PCDHGB4: variants seen among roughly 807,000 people sequenced by gnomAD.
PCDHGB4 encodes protocadherin gamma-B4.
A neutral mutation model predicts 60.5 loss-of-function variants in PCDHGB4; 38 were observed. The observed-to-expected ratio is 0.63, with a 90% CI of 0.48 to 0.82. PCDHGB4 has a LOEUF of 0.82. Ranked by LOEUF, PCDHGB4 falls within the 40% of genes least tolerant of loss-of-function variation. The pLI, the probability that PCDHGB4 is intolerant of heterozygous loss-of-function variation, is 0.00. For missense variants in PCDHGB4, 1,109 were observed against 1,209.6 expected, an observed-to-expected ratio of 0.92 and a Z score of 1.23; for synonymous variants, 456 against 509.7, an observed-to-expected ratio of 0.89 and a Z score of 1.42.
intron 1 of PCDHGB4, chr5:141,408,115 C>A (rs2095044760): frequency 9.6e-6 from 14 of 1,461,430 alleles, no homozygotes; most frequent in South Asian, 2.9e-5. Flanking sequence ...GGGACTCCTC[C>A]TGTCCTGGGC....
chr5:141,394,514 C>T, intron 1 of PCDHGB4: 1 of 1,614,230 alleles, frequency 6.2e-7, no homozygotes. Flanking sequence ...ACCCCGCCCT[C>T]CCCACAGACG....
chr5:141,444,965 A>C (rs561160996), intron 1 of PCDHGB4, among the ~76,000 whole-genome samples: 18 of 152,234 alleles, frequency 1.2e-4, no homozygotes, highest in South Asian at 6.2e-4. Context: ...CAATATTGAC[A>C]CTTCAAATCC....
At chr5:141,495,255 G>A (rs1055329757) in intron 2 of PCDHGB4, among the ~76,000 whole-genome samples, 5 of 152,212 alleles carry the variant, frequency 3.3e-5, no homozygotes, top group African/African-American at 1.2e-4. Flanking sequence ...GGCTCAGGCA[G>A]AAAAGCATTT....
chr5:141,511,823 G>A lies in PCDHGB4; in HGVS notation c.*650G>A, dbSNP rs1490513046. On this transcript the variant is annotated 3_prime_UTR_variant, in exon 4 of 4. Transcript: ENST00000519479. ...TTTTGCTACCAAGCCTCTTCCCAACGCCCTGGGGACCAGTCTTCTGTTTTG... is the reference window on the plus strand; with the variant it reads ...TTTTGCTACCAAGCCTCTTCCCAACACCCTGGGGACCAGTCTTCTGTTTTG... 4 of 156,728 alleles carry A rather than the reference G, an allele frequency of 2.6e-5. No homozygotes were observed. The highest frequency in any genetic ancestry group is 3.2e-3 in the Middle Eastern group (1 of 316). 9.7% of individuals were successfully genotyped at this position (156,728 alleles called of 1,614,324 possible). A position where few individuals can be genotyped will look rare whatever the true frequency, so the allele number is the denominator to read the frequency against.
At position 141,388,461 on chromosome 5, in the gene PCDHGB4, G is replaced by C. The variant is rs1423485997; in HGVS notation, c.577G>C (p.Glu193Gln). ...GAAATCAGATGGCAGTAAATACCCT[G>C]AGATGGTATTGAAGACACCTTTGGA... ...KEKSDGSKYP[E>Q]MVLKTPLDRE... is the part of the protein sequence containing the mutation. Residue 193 changes from glutamate to glutamine, a missense_variant, in exon 1 of 4, where the codon GAG becomes CAG. By Grantham distance (29) the Glu-to-Gln change is conservative. Around this residue, in one of 2 missense-constraint regions of PCDHGB4, gnomAD observed 1,068 missense variants for 1,089.9 expected, o/e 0.98. Transcript: ENST00000519479. 6.2e-7 allele frequency: 1 copy of C among 1,613,762 alleles called. No homozygotes were observed. The highest frequency in any genetic ancestry group is 1.7e-5 in the Admixed American group (1 of 60,016).
chr5:141,491,712 G>A lies in PCDHGB4; in HGVS notation c.2398-3095G>A, dbSNP rs932849130. On this transcript the variant is annotated intron_variant, in intron 1 of 3. Coordinates refer to ENST00000519479, the MANE Select transcript of PCDHGB4 (RefSeq NM_003736.4). The surrounding 1 kb of genome is among the most constrained non-coding windows in gnomAD (Gnocchi z 6.9). Reference sequence around the variant, plus strand: ...GGGAGCGGAGCCAGGTGAGGGGCTCGGCGCCGCCCCGGGCGACCCCTGGGG... The same window carrying A: ...GGGAGCGGAGCCAGGTGAGGGGCTCAGCGCCGCCCCGGGCGACCCCTGGGG... The A allele has an allele frequency of 1.2e-6, 2 of 1,609,290 alleles. No homozygotes were observed. Among genetic ancestry groups the A allele is most frequent in the East Asian group, 2.2e-5 (1 of 44,760 alleles).
rs776737236 is a variant in PCDHGB4, at chr5:141,431,439, G to T, written c.2397+41158G>T. 20 of 1,613,724 alleles carry T rather than the reference G, an allele frequency of 1.2e-5. No individual in the cohort carries two copies. The highest frequency in any genetic ancestry group is 4.5e-5 in the East Asian group (2 of 44,888). Reference sequence around the variant, plus strand: ...GACCCGGTGCGCACAGGCACCGCGCGCATCCGCGTGATGGTTCTGGATGCG... The same window carrying T: ...GACCCGGTGCGCACAGGCACCGCGCTCATCCGCGTGATGGTTCTGGATGCG... On this transcript the variant is annotated intron_variant, in intron 1 of 3. Coordinates refer to ENST00000519479, the MANE Select transcript of PCDHGB4 (RefSeq NM_003736.4). This position sits in a 1 kb window ranked among gnomAD's most constrained non-coding sequence, Gnocchi z 4.8.
At chr5:141,421,849 G>C in intron 1 of PCDHGB4, 4 of 1,613,766 alleles carry the variant, frequency 2.5e-6, no homozygotes, top group Non-Finnish European at 3.4e-6. Flanking sequence ...GAAAGAGGCT[G>C]CTCACCTGCT....
chr5:141,488,518 G>A lies in PCDHGB4; in HGVS notation c.2398-6289G>A, dbSNP rs2233597. On this transcript the variant is annotated intron_variant, in intron 1 of 3. Coordinates refer to ENST00000519479, the MANE Select transcript of PCDHGB4 (RefSeq NM_003736.4). Reference sequence around the variant, plus strand: ...CACTCATTCCACATTTGGGGTCTGGGGTGTCAGAAAAGCTAAGTCCCATGT... The same window carrying A: ...CACTCATTCCACATTTGGGGTCTGGAGTGTCAGAAAAGCTAAGTCCCATGT... Among the ~76,000 whole-genome samples the A allele has an allele frequency of 5.8e-3, 879 of 152,218 alleles. 4 individuals are homozygous for A. The highest frequency in any genetic ancestry group is 0.021 in the African/African-American group (853 of 41,520).
intron 1 of PCDHGB4, chr5:141,415,740 G>GTGT: frequency 1.6e-6 from 1 of 617,992 alleles, no homozygotes; most frequent in Non-Finnish European, 2.1e-6. Context: ...GTTTATTAAG[G>GTGT]TTTTTTTTTT....
intron 2 of PCDHGB4, among the ~76,000 whole-genome samples, chr5:141,505,177 A>T (rs917485235): frequency 6.6e-6 from 1 of 152,180 alleles, no homozygotes. Context: ...AAAAGAAAAA[A>T]GCATCGGAGG....
At chr5:141,401,076 G>T (rs1589429931) in intron 1 of PCDHGB4, among the ~76,000 whole-genome samples, 1 of 152,174 alleles carries the variant, frequency 6.6e-6, no homozygotes, top group Non-Finnish European at 1.5e-5. Context: ...GGGTGCAGTG[G>T]CTCATGCCTG....
At chr5:141,427,187 C>T (rs1318380362) in intron 1 of PCDHGB4, 1 of 456,574 alleles carries the variant, frequency 2.2e-6, no homozygotes, top group Middle Eastern at 3.3e-4. Flanking sequence ...AAATTAAATC[C>T]AAAGACTTAA....
chr5:141,487,069 T>C lies in PCDHGB4; in HGVS notation c.2398-7738T>C, dbSNP rs750739955. 26 of 1,614,160 alleles carry C rather than the reference T, an allele frequency of 1.6e-5. No homozygotes were observed. Among genetic ancestry groups the C allele is most frequent in the Non-Finnish European group, 2.0e-5 (24 of 1,180,002 alleles). On this transcript the variant is annotated intron_variant, in intron 1 of 3. Transcript: ENST00000519479. This position sits in a 1 kb window ranked among gnomAD's most constrained non-coding sequence, Gnocchi z 5.0. The stretch of plus-strand genomic sequence containing the variant: ...ATGCTGGGGAGGTGCGGACGGCTGT[T>C]CCTATCCCAGCTGACCTCCCACCAC...
intron 1 of PCDHGB4, chr5:141,408,468 G>T: frequency 6.2e-7 from 1 of 1,614,070 alleles, no homozygotes; most frequent in Non-Finnish European, 8.5e-7. Context: ...GTGAAGAACC[G>T]AATAGACCGT....
At chr5:141,471,492 G>A (rs912591449) in intron 1 of PCDHGB4, 1 of 152,176 alleles carries the variant, frequency 6.6e-6, no homozygotes, top group Non-Finnish European at 1.5e-5. Context: ...GGAATTTAGG[G>A]AATGCAAGAG....
intron 1 of PCDHGB4, chr5:141,410,366 G>T: frequency 6.2e-7 from 1 of 1,613,774 alleles, no homozygotes; most frequent in Non-Finnish European, 8.5e-7. Flanking sequence ...TCTCAGCCCT[G>T]CTACTTGGGA....
chr5:141,421,592 T>C (rs1590304832), intron 1 of PCDHGB4: 1 of 1,613,272 alleles, frequency 6.2e-7, no homozygotes, highest in Non-Finnish European at 8.5e-7. Context: ...GGAGTGGAGG[T>C]GGAAATAATA....
At chr5:141,503,023 A>AAT (rs2099817696) in intron 2 of PCDHGB4, among the ~76,000 whole-genome samples, 1 of 141,888 alleles carries the variant, frequency 7.0e-6, no homozygotes, top group African/African-American at 2.6e-5. Context: ...TTTTTTTTTT[A>AAT]ATATCTATTT....
Sources: gnomAD v4.1 joint callset for allele counts (sites outside exome capture counted in the v4.1 genomes callset) on GRCh38, gnomAD v4.1.1 for gene constraint, gnomAD v4.1.1 regional missense constraint, Gnocchi (gnomAD v3.1) non-coding constraint, MANE v1.5 for transcripts, NCBI Gene and HGNC (gene_info 2026-07-23, HGNC 2026-07-21) for gene names.